MICAL3: variants seen among roughly 807,000 people sequenced by gnomAD.
MICAL3 encodes [F-actin]-monooxygenase MICAL3.
In MICAL3, 62 loss-of-function variants were observed where a neutral mutation model predicts 207.4. The observed-to-expected ratio is 0.30, with a 90% CI of 0.24 to 0.37. The LOEUF (loss-of-function observed/expected upper bound fraction) is 0.37. Ranked by LOEUF, MICAL3 falls within the 10% of genes least tolerant of loss-of-function variation. MICAL3 has a pLI of 1.00. For missense variants in MICAL3, 2,368 were observed against 2,635.6 expected, an observed-to-expected ratio of 0.90 and a Z score of 2.22; for synonymous variants, 1,077 against 1,069.3, an observed-to-expected ratio of 1.01 and a Z score of -0.14.
At chr22:17,865,085 TTTTA>T (rs200555386) in intron 18 of MICAL3, 99 bp from the exon 19 acceptor site, 17,234 of 583,910 alleles carry the variant, frequency 0.03, 667 homozygotes, top group Admixed American at 0.11. Context: ...TGGTTTTAAA[TTTTA>T]TTTATTTATT....
At chr22:17,899,078 A>G (rs1033793474) in intron 7 of MICAL3, among the ~76,000 whole-genome samples, 1 of 152,194 alleles carries the variant, frequency 6.6e-6, no homozygotes, top group Admixed American at 6.5e-5. Flanking sequence ...AAACCAAATC[A>G]CCTAAAATTA....
chr22:17,814,087 A>C (rs568506450), intron 27 of MICAL3: 26 of 152,324 alleles, frequency 1.7e-4, no homozygotes, highest in African/African-American at 6.0e-4. Flanking sequence ...AGGCGGGAGG[A>C]GGCGTCTGCT....
intron 1 of MICAL3, among the ~76,000 whole-genome samples, chr22:17,977,536 T>TAAA (rs34483330): frequency 0.012 from 1,616 of 137,806 alleles, 15 homozygotes; most frequent in African/African-American, 0.03. Context: ...AAGACTATAA[T>TAAA]AAAAAAAAAA....
At chr22:17,908,138 G>T (rs940215078) in intron 1 of MICAL3, among the ~76,000 whole-genome samples, 2 of 152,148 alleles carry the variant, frequency 1.3e-5, no homozygotes, top group African/African-American at 4.8e-5. Flanking sequence ...CAAAACTAGT[G>T]AGTAGAGAGT....
chr22:17,859,272 C>T (rs1050264230), intron 19 of MICAL3, among the ~76,000 whole-genome samples: 1 of 152,232 alleles, frequency 6.6e-6, no homozygotes, highest in Non-Finnish European at 1.5e-5. Flanking sequence ...GACCTCTTCA[C>T]GTTCCAAGAG....
Position 17,855,178 on chromosome 22 carries a change from C to T in MICAL3, c.2605+9721G>A, listed in dbSNP as rs552160730. On this transcript the variant is annotated intron_variant, in intron 19 of 31. Coordinates refer to ENST00000441493, the MANE Select transcript of MICAL3 (RefSeq NM_015241.3). ...CATGCACACTTAGCCCAAAGACTTA[C>T]GAGTCAATCACTTTACGTGTGAGTT... Among the ~76,000 whole-genome samples the T allele has an allele frequency of 2.4e-4, 36 of 152,296 alleles. No individual in the cohort carries two copies. In the East Asian group the frequency reaches 2.9e-3, roughly 12 times the overall value.
intron 1 of MICAL3, among the ~76,000 whole-genome samples, chr22:18,011,412 G>A (rs2146504163): frequency 6.6e-6 from 1 of 152,134 alleles, no homozygotes; most frequent in African/African-American, 2.4e-5. Flanking sequence ...AGGCATGGTG[G>A]CACACGCCTG....
intron 29 of MICAL3, among the ~76,000 whole-genome samples, chr22:17,799,589 GCAC>G (rs963805036): frequency 1.2e-4 from 19 of 152,236 alleles, no homozygotes; most frequent in Admixed American, 3.3e-4. Context: ...TATTTGGTGG[GCAC>G]CACCAATGCC....
chr22:18,017,085 G>A (rs1924105798), intron 1 of MICAL3, among the ~76,000 whole-genome samples: 1 of 152,210 alleles, frequency 6.6e-6, no homozygotes, highest in South Asian at 2.1e-4. Context: ...ACCACACTCA[G>A]GAAAAAAGCC....
intron 1 of MICAL3, among the ~76,000 whole-genome samples, chr22:18,002,342 G>C (rs1923091203): frequency 6.7e-6 from 1 of 150,312 alleles, no homozygotes; most frequent in South Asian, 2.1e-4. Context: ...AGAAAATATA[G>C]AGCAGAGGGC....
In MICAL3 at chr22:17,885,944, C is replaced by A. The variant is rs1354798402; in HGVS notation, c.2175G>T (p.Met725Ile). The A allele has an allele frequency of 6.2e-7, 1 of 1,614,066 alleles. No individual in the cohort carries two copies. The highest frequency in any genetic ancestry group is 8.5e-7 in the Non-Finnish European group (1 of 1,179,908). Residue 725 changes from methionine (M) to isoleucine (I), a missense_variant, in exon 16 of 32, where the codon ATG (methionine) becomes ATT (isoleucine). Physicochemically the swap from Met to Ile is conservative, Grantham distance 10. This residue lies in a region of MICAL3 where 1,770 missense variants were observed against 1,863.2 expected (regional missense o/e 0.95). Coordinates refer to ENST00000441493, the MANE Select transcript of MICAL3 (RefSeq NM_015241.3). ...AVGNQNKVKY[M>I]ATQLLAKFEE... is the part of the protein sequence containing the mutation. Reference sequence around the variant, plus strand: ...CAAATTTGGCCAGCAGCTGGGTCGCCATGTACTTCACTTTGTTCTGGTTCC... The same window carrying A: ...CAAATTTGGCCAGCAGCTGGGTCGCAATGTACTTCACTTTGTTCTGGTTCC...
intron 1 of MICAL3, among the ~76,000 whole-genome samples, chr22:17,954,777 C>G (rs140639594): frequency 6.7e-6 from 1 of 150,084 alleles, no homozygotes; most frequent in African/African-American, 2.4e-5. Flanking sequence ...GACGGAATCT[C>G]GCTCTGTCGC....
At chr22:17,808,716 T>C (rs2062012901) in intron 29 of MICAL3, 128 bp downstream of exon 29, 1 of 735,598 alleles carries the variant, frequency 1.4e-6, no homozygotes, top group Non-Finnish European at 2.2e-6. Flanking sequence ...ATCTCAGAGA[T>C]GAAGGGCCCC....
intron 20 of MICAL3, chr22:17,840,762 G>C (rs913174829): frequency 3.3e-5 from 5 of 152,474 alleles, no homozygotes; most frequent in Middle Eastern, 3.4e-3. Flanking sequence ...TGGGGAGAGT[G>C]GGGCCTCCAT....
intron 16 of MICAL3, among the ~76,000 whole-genome samples, chr22:17,881,895 T>C (rs1929465356): frequency 6.6e-6 from 1 of 152,200 alleles, no homozygotes; most frequent in Non-Finnish European, 1.5e-5. Context: ...TTTTCCCTCA[T>C]TTCTGCCCCC....
At chr22:17,877,140 G>A (rs866232454) in intron 16 of MICAL3, among the ~76,000 whole-genome samples, 18 of 133,106 alleles carry the variant, frequency 1.4e-4, no homozygotes, top group South Asian at 4.7e-4. Context: ...GGTTAGGGAG[G>A]TTATGGAGGT....
In MICAL3 at chr22:17,793,317, G is replaced by T. The variant is rs191731135; in HGVS notation, c.5651-2016C>A. Among the ~76,000 whole-genome samples, 34 of 152,322 alleles carry T rather than the reference G, an allele frequency of 2.2e-4. No individual in the cohort carries two copies. Among genetic ancestry groups the T allele is most frequent in the Middle Eastern group, 6.8e-3 (2 of 294 alleles). ...TTGCTTTCAGTGGTTGTTTGGAAAGGGGCCCGAGGGCACTGGTGTAGATCA... is the reference window on the plus strand; with the variant it reads ...TTGCTTTCAGTGGTTGTTTGGAAAGTGGCCCGAGGGCACTGGTGTAGATCA... On this transcript the variant is annotated intron_variant, in intron 29 of 31. Transcript: ENST00000441493. The surrounding 1 kb of genome is among the most constrained non-coding windows in gnomAD (Gnocchi z 4.1).
At chr22:17,886,988 C>CAAAAAAAAAAAAAAAAAAAAAAAAAAA (rs55999508) in intron 15 of MICAL3, among the ~76,000 whole-genome samples, 182 bp downstream of exon 15, 14 of 41,346 alleles carry the variant, frequency 3.4e-4, no homozygotes, top group Non-Finnish European at 5.6e-4. Context: ...ACTCTTGTCT[C>CAAAAAAAAAAAAAAAAAAAAAAAAAAA]AAAAAAAAAA....
At chr22:17,871,530 T>C (rs536012395) in intron 17 of MICAL3, among the ~76,000 whole-genome samples, 13 of 152,324 alleles carry the variant, frequency 8.5e-5, no homozygotes, top group Non-Finnish European at 1.5e-4. Context: ...ACCTTATTTT[T>C]ATTGTGTTCC....
Sources: gnomAD v4.1 joint callset for allele counts (sites outside exome capture counted in the v4.1 genomes callset) on GRCh38, gnomAD v4.1.1 for gene constraint, gnomAD v4.1.1 regional missense constraint, Gnocchi (gnomAD v3.1) non-coding constraint, MANE v1.5 for transcripts, NCBI Gene and HGNC (gene_info 2026-07-23, HGNC 2026-07-21) for gene names.